Variants in RIN2 observed in about 807,000 individuals in gnomAD.
RIN2 encodes Ras and Rab interactor 2, also known as RAB5 interacting protein 2.
Under a neutral mutation model 78.0 loss-of-function variants are expected in RIN2, and 36 were observed. The ratio of observed to expected loss-of-function variants is 0.46; its 90% CI spans 0.35 to 0.61. The LOEUF (loss-of-function observed/expected upper bound fraction) is 0.61. RIN2 is among the 20% of genes least tolerant of loss of function. The pLI is 0.00. For missense variants in RIN2, 1,087 were observed against 1,159.7 expected (o/e 0.94, Z 0.91); for synonymous variants, 466 against 466.8 (o/e 1.00, Z 0.02).
rs11362637 is a variant in RIN2 at position 19,886,612 on chromosome 20, C to CTTTTT, written c.-36-2939_-36-2935dup. 7.6e-4 allele frequency: 396 copies of CTTTTT among 520,770 alleles called. 1 individual carries two copies. Among genetic ancestry groups the CTTTTT allele is most frequent in the South Asian group, 2.0e-3 (87 of 43,682 alleles). 32.3% of individuals were successfully genotyped at this position (520,770 alleles called of 1,614,324 possible). A position where few individuals can be genotyped will look rare whatever the true frequency, so the allele number is the denominator to read the frequency against. ...GGGCTGCCTTCTTCTTCTTCTTCTT[C>CTTTTT]TTTTTTTTTTTTTTTTTTTGCTAGC... On this transcript the variant is annotated intron_variant, in intron 2 of 12. Transcript: ENST00000255006.
intron 2 of RIN2, among the ~76,000 whole-genome samples, chr20:19,807,220 G>A (rs1219807076): frequency 6.6e-6 from 1 of 152,222 alleles, no homozygotes; most frequent in Non-Finnish European, 1.5e-5. Flanking sequence ...AAGTCACATG[G>A]CCAAACCTAA....
intron 2 of RIN2, among the ~76,000 whole-genome samples, chr20:19,825,038 G>A (rs991380864): frequency 3.3e-5 from 5 of 152,278 alleles, no homozygotes; most frequent in Admixed American, 6.5e-5. Flanking sequence ...AGCATGGCCC[G>A]CCTTGTCACC....
chr20:19,763,922 G>A (rs564076280), intron 1 of RIN2, among the ~76,000 whole-genome samples: 7 of 152,268 alleles, frequency 4.6e-5, no homozygotes, highest in Non-Finnish European at 7.4e-5. Context: ...TACTATGAGT[G>A]TATATCTCAT....
At chr20:19,800,724 T>A (rs1049683406) in intron 2 of RIN2, among the ~76,000 whole-genome samples, 3 of 152,228 alleles carry the variant, frequency 2.0e-5, no homozygotes, top group African/African-American at 7.2e-5. Flanking sequence ...AAACCATCCC[T>A]GCTGATCCCT....
At chr20:19,844,135 G>A in intron 2 of RIN2, among the ~76,000 whole-genome samples, 1 of 152,050 alleles carries the variant, frequency 6.6e-6, no homozygotes, top group South Asian at 2.1e-4. Context: ...TGATGTTGGT[G>A]GAGTGTTTTT....
chr20:19,975,423 G>A lies in RIN2; in HGVS notation c.1398G>A (p.Gly466=), dbSNP rs773084199. Residue 466 remains glycine, a synonymous_variant, in exon 9 of 13, where the codon GGG becomes GGA. Coordinates refer to ENST00000255006, the MANE Select transcript of RIN2 (RefSeq NM_018993.4). The surrounding 1 kb of genome is among the most constrained non-coding windows in gnomAD (Gnocchi z 4.9). ...DTNSSLEDYE[G]ESDQETMAPP... ...ACAGCAGCCTGGAGGACTACGAGGGGGAAAGTGACCAAGAGACCATGGCGC... is the reference window on the plus strand; with the variant it reads ...ACAGCAGCCTGGAGGACTACGAGGGAGAAAGTGACCAAGAGACCATGGCGC... 2.6e-5 allele frequency: 42 copies of A among 1,613,944 alleles called. No homozygotes were observed. Among genetic ancestry groups the A allele is most frequent in the Middle Eastern group, 1.6e-4 (1 of 6,084 alleles).
intron 3 of RIN2, among the ~76,000 whole-genome samples, chr20:19,918,113 C>G (rs1029011294): frequency 7.2e-5 from 11 of 152,108 alleles, no homozygotes; most frequent in African/African-American, 2.7e-4. Context: ...GTGAATGTGA[C>G]TGTGACACCC....
intron 1 of RIN2, among the ~76,000 whole-genome samples, chr20:19,788,439 A>AAAAAAAAAAAACAAAAAAAAAAC (rs1555818733): frequency 5.5e-4 from 73 of 133,020 alleles, no homozygotes; most frequent in African/African-American, 1.5e-3. Context: ...TGCCAAAAAA[A>AAAAAAAAAAAACAAAAAAAAAAC]AAAAAAAAAA....
intron 3 of RIN2, among the ~76,000 whole-genome samples, chr20:19,892,597 G>C (rs913338203): frequency 6.7e-6 from 1 of 150,042 alleles, no homozygotes; most frequent in Non-Finnish European, 1.5e-5. Context: ...TTCTTTCTTG[G>C]AGCTCCCAGG....
chr20:19,965,808 C>T (rs2041920195), intron 7 of RIN2, among the ~76,000 whole-genome samples: 1 of 152,074 alleles, frequency 6.6e-6, no homozygotes, highest in South Asian at 2.1e-4. Flanking sequence ...GACGGGTTTT[C>T]ACCATGTTGA....
chr20:19,771,872 C>T (rs6112569), intron 1 of RIN2, among the ~76,000 whole-genome samples: 1 of 152,148 alleles, frequency 6.6e-6, no homozygotes, highest in African/African-American at 2.4e-5. Flanking sequence ...CCTCCTGCCT[C>T]CTCCTGCCTC....
At chr20:19,949,498 G>T (rs1398124904) in intron 4 of RIN2, among the ~76,000 whole-genome samples, 1 of 152,176 alleles carries the variant, frequency 6.6e-6, no homozygotes, top group Non-Finnish European at 1.5e-5. Flanking sequence ...ATTTTGCCTT[G>T]AACTTTATTT....
At chr20:19,791,731 A>G (rs570754782) in intron 1 of RIN2, among the ~76,000 whole-genome samples, 1 of 152,290 alleles carries the variant, frequency 6.6e-6, no homozygotes, top group South Asian at 2.1e-4. Context: ...TTATTCTTTG[A>G]AATAAGTATT....
At chr20:19,855,844 G>C (rs1198480941) in intron 2 of RIN2, among the ~76,000 whole-genome samples, 2 of 152,186 alleles carry the variant, frequency 1.3e-5, no homozygotes, top group South Asian at 2.1e-4. Flanking sequence ...GGGAGGCCAA[G>C]GCGGGTGGAT....
At position 19,974,847 on chromosome 20, in the gene RIN2, C is replaced by G. The variant is rs746655619; in HGVS notation, c.822C>G (p.Pro274=). 6.2e-7 allele frequency: 1 copy of G among 1,614,010 alleles called. No individual in the cohort carries two copies. The highest frequency in any genetic ancestry group is 8.5e-7 in the Non-Finnish European group (1 of 1,179,908). Residue 274 remains proline (P), a synonymous_variant, in exon 9 of 13, where the codon CCC becomes CCG. Transcript: ENST00000255006. Reference sequence around the variant, plus strand: ...ACGGGGCCCTGTGCTTTATTAATCCCCTTTTCTTGAAAGTGCACAGCCAGG... The same window carrying G: ...ACGGGGCCCTGTGCTTTATTAATCCGCTTTTCTTGAAAGTGCACAGCCAGG... ...QTNGALCFIN[P]LFLKVHSQDL...
chr20:19,844,577 T>A (rs1032797636), intron 2 of RIN2, among the ~76,000 whole-genome samples: 1 of 38,366 alleles, frequency 2.6e-5, no homozygotes, highest in Non-Finnish European at 5.4e-5. Context: ...ACTAGAGAGC[T>A]GCTGCTGCTG....
intron 2 of RIN2, among the ~76,000 whole-genome samples, chr20:19,879,170 G>A (rs1036642444): frequency 6.6e-6 from 1 of 152,202 alleles, no homozygotes; most frequent in Admixed American, 6.5e-5. Flanking sequence ...GGTCAGCCAA[G>A]ACAGACTTTT....
chr20:19,842,413 T>TTTG (rs2036609962), intron 2 of RIN2, among the ~76,000 whole-genome samples: 1 of 136,448 alleles, frequency 7.3e-6, no homozygotes, highest in Non-Finnish European at 1.5e-5. Flanking sequence ...TTTTTTTTTT[T>TTTG]GTATTTTTAG....
At position 19,903,471 on chromosome 20, in the gene RIN2, C is replaced by T. The variant is rs144316670; in HGVS notation, c.57+13813C>T. ...CAGGGGTGTTTCTTCCTTTCTCATT[C>T]TACTTCCAGATTCTAGGCTTGTTTC... On this transcript the variant is annotated intron_variant, in intron 3 of 12. Transcript: ENST00000255006. Among the ~76,000 whole-genome samples the T allele has an allele frequency of 5.4e-4, 82 of 152,264 alleles. 1 individual carries two copies. The highest frequency in any genetic ancestry group is 1.9e-3 in the African/African-American group (81 of 41,558).
Sources: allele counts gnomAD v4.1 joint callset (sites outside exome capture counted in the v4.1 genomes callset), GRCh38; gene constraint gnomAD v4.1.1; non-coding constraint Gnocchi (gnomAD v3.1); transcripts MANE v1.5; gene names NCBI Gene and HGNC (gene_info 2026-07-23, HGNC 2026-07-21).